The following ADAMTS17 variants were observed in gnomAD, a reference collection of about 807,000 sequenced individuals.
The protein encoded by ADAMTS17 is ADAM metallopeptidase with thrombospondin type 1 motif 17.
A neutral mutation model predicts 141.5 loss-of-function variants in ADAMTS17; 113 were observed. The ratio of observed to expected loss-of-function variants is 0.80; its 90% CI spans 0.69 to 0.93. The LOEUF is 0.93. Among genes scored for constraint, ADAMTS17 ranks in the 40% least tolerant of loss-of-function variants. The pLI, the probability that ADAMTS17 is intolerant of heterozygous loss-of-function variation, is 0.00. For synonymous variants in ADAMTS17, 768 were observed against 630.6 expected (o/e 1.22, Z -3.27); for missense variants, 1,659 against 1,517.9 (o/e 1.09, Z -1.54).
intron 4 of ADAMTS17, among the ~76,000 whole-genome samples, chr15:100,267,103 C>T (rs558487274): frequency 6.6e-6 from 1 of 152,286 alleles, no homozygotes; most frequent in African/African-American, 2.4e-5. Flanking sequence ...ACCTCCAGGA[C>T]TCTTTTCATC....
intron 20 of ADAMTS17, among the ~76,000 whole-genome samples, chr15:99,977,398 ATAATTTTTTTTTTTT>A (rs2060382023): frequency 4.4e-4 from 2 of 4,542 alleles, no homozygotes; most frequent in African/African-American, 1.3e-3. Flanking sequence ...ATATATATAT[ATAATTTTTTTTTTTT>A]TTTTTTTTTT....
intron 7 of ADAMTS17, among the ~76,000 whole-genome samples, chr15:100,242,547 C>G (rs1364553754): frequency 6.6e-6 from 1 of 152,188 alleles, no homozygotes; most frequent in Non-Finnish European, 1.5e-5. Context: ...GCCCCCTCCT[C>G]TCTCCATCCT....
intron 8 of ADAMTS17, among the ~76,000 whole-genome samples, chr15:100,198,498 T>C (rs1315296580): frequency 6.6e-6 from 1 of 152,248 alleles, no homozygotes; most frequent in Non-Finnish European, 1.5e-5. Context: ...TTTACTTATG[T>C]TCTATTCAAT....
At chr15:100,153,411 T>C (rs1383376319) in intron 9 of ADAMTS17, among the ~76,000 whole-genome samples, 8 of 151,070 alleles carry the variant, frequency 5.3e-5, no homozygotes, top group Non-Finnish European at 8.9e-5. Flanking sequence ...GAGGCTGAGG[T>C]GGGTGGATCA....
chr15:100,281,918 T>TA (rs1169379805), intron 3 of ADAMTS17, among the ~76,000 whole-genome samples: 2 of 152,130 alleles, frequency 1.3e-5, no homozygotes, highest in South Asian at 2.1e-4. Context: ...CTATGTTTTT[T>TA]AAAAAAATAC....
At chr15:100,233,206 T>C (rs957126232) in intron 7 of ADAMTS17, among the ~76,000 whole-genome samples, 1 of 152,086 alleles carries the variant, frequency 6.6e-6, no homozygotes, top group Non-Finnish European at 1.5e-5. Context: ...GACGGACGCC[T>C]GTAACCCCAG....
At chr15:100,006,634 A>G (rs1040194563) in intron 18 of ADAMTS17, among the ~76,000 whole-genome samples, 1 of 152,234 alleles carries the variant, frequency 6.6e-6, no homozygotes, top group Non-Finnish European at 1.5e-5. Flanking sequence ...TGGGCTAACA[A>G]GTGGTTTGTC....
chr15:99,976,864 G>A (rs1353691365), intron 20 of ADAMTS17, among the ~76,000 whole-genome samples: 1 of 152,198 alleles, frequency 6.6e-6, no homozygotes, highest in African/African-American at 2.4e-5. Flanking sequence ...AAGATGTTAA[G>A]ACAACAGCTG....
chr15:100,155,085 A>G (rs2039368670), intron 9 of ADAMTS17, 95 bp downstream of exon 9: 1 of 1,585,812 alleles, frequency 6.3e-7, no homozygotes, highest in Non-Finnish European at 8.6e-7. Flanking sequence ...AAAGAGAGTC[A>G]TTTCTCCACT....
intron 15 of ADAMTS17, among the ~76,000 whole-genome samples, chr15:100,055,934 G>C (rs1182347939): frequency 1.3e-5 from 2 of 152,168 alleles, no homozygotes; most frequent in Non-Finnish European, 2.9e-5. Flanking sequence ...TTGTAGAGTG[G>C]AGACCTGAAT....
At chr15:100,116,298 G>A (rs2037126179) in intron 13 of ADAMTS17, among the ~76,000 whole-genome samples, 2 of 152,170 alleles carry the variant, frequency 1.3e-5, no homozygotes, top group African/African-American at 2.4e-5. Context: ...CGATGGGGCA[G>A]AGCCTCTTGA....
At chr15:99,986,637 G>C (rs988481789) in intron 20 of ADAMTS17, among the ~76,000 whole-genome samples, 21 of 152,256 alleles carry the variant, frequency 1.4e-4, no homozygotes, top group African/African-American at 5.1e-4. Context: ...GGTCTGTTAA[G>C]TCATGGTTTT....
At chr15:100,330,666 G>A (rs1175144791) in intron 3 of ADAMTS17, among the ~76,000 whole-genome samples, 2 of 152,210 alleles carry the variant, frequency 1.3e-5, no homozygotes, top group Non-Finnish European at 1.5e-5. Context: ...GCATGAAAGA[G>A]ATCCTAGGTT....
chr15:100,303,614 T>C (rs1256770092), intron 3 of ADAMTS17, among the ~76,000 whole-genome samples: 1 of 152,184 alleles, frequency 6.6e-6, no homozygotes, highest in African/African-American at 2.4e-5. Flanking sequence ...AGGTCTTTGA[T>C]CTCCCCTTAA....
intron 15 of ADAMTS17, among the ~76,000 whole-genome samples, chr15:100,086,735 A>C (rs553811063): frequency 2.3e-4 from 35 of 149,144 alleles, no homozygotes; most frequent in African/African-American, 8.9e-4. Flanking sequence ...ATGCTCCTGA[A>C]TGACTACTGG....
At chr15:100,048,299 TAGC>T (rs2031868458) in intron 18 of ADAMTS17, among the ~76,000 whole-genome samples, 1 of 152,206 alleles carries the variant, frequency 6.6e-6, no homozygotes, top group Non-Finnish European at 1.5e-5. Flanking sequence ...AGAGGAGGCT[TAGC>T]TGATGAACGC....
chr15:99,975,194 G>A (rs1018198578), intron 21 of ADAMTS17, among the ~76,000 whole-genome samples: 2 of 152,188 alleles, frequency 1.3e-5, no homozygotes, highest in African/African-American at 2.4e-5. Context: ...CAGAAACTCT[G>A]TTAAAAGGAA....
At chr15:100,265,961 G>A (rs1012919201) in intron 4 of ADAMTS17, among the ~76,000 whole-genome samples, 9 of 152,178 alleles carry the variant, frequency 5.9e-5, no homozygotes, top group African/African-American at 1.7e-4. Flanking sequence ...CACACCCACC[G>A]GAGTGTGGGA....
chr15:100,104,873 A>T (rs147003282), intron 14 of ADAMTS17, among the ~76,000 whole-genome samples: 3 of 152,364 alleles, frequency 2.0e-5, no homozygotes, highest in African/African-American at 7.2e-5. Context: ...CAATTACTGC[A>T]ACAAGACATA....
Sources: gnomAD v4.1 joint callset for allele counts (sites outside exome capture counted in the v4.1 genomes callset) on GRCh38, gnomAD v4.1.1 for gene constraint, MANE v1.5 for transcripts, NCBI Gene and HGNC (gene_info 2026-07-23, HGNC 2026-07-21) for gene names.